The following HOMER2 variants were observed in gnomAD, a reference collection of about 807,000 sequenced individuals.
The protein encoded by HOMER2 is homer scaffold protein 2.
A neutral mutation model predicts 47.0 loss-of-function variants in HOMER2; 27 were observed. That is an observed-to-expected ratio of 0.57 (90% confidence interval 0.42 to 0.79). The LOEUF is 0.79. Among genes scored for constraint, HOMER2 ranks in the 30% least tolerant of loss-of-function variants. The pLI, the probability that HOMER2 is intolerant of heterozygous loss-of-function variation, is 0.00. For synonymous variants in HOMER2, 161 were observed against 163.8 expected (o/e 0.98, Z 0.13); for missense variants, 443 against 435.0 (o/e 1.02, Z -0.16).
chr15:82,840,582 TA>T (rs2051166854), exon 2 of HOMER2: 2 of 152,018 alleles, frequency 1.3e-5, no homozygotes, highest in African/African-American at 4.8e-5. Flanking sequence ...GCCTCCTGAG[TA>T]GCTGGGACTA....
chr15:82,855,493 C>T (rs148816377), intron 5 of HOMER2, among the ~76,000 whole-genome samples: 97 of 152,292 alleles, frequency 6.4e-4, no homozygotes, highest in African/African-American at 2.2e-3. Flanking sequence ...CTTCAAGAAT[C>T]GTATGAAAGC....
chr15:82,932,575 G>A (rs555311499), intron 1 of HOMER2, among the ~76,000 whole-genome samples: 17 of 151,740 alleles, frequency 1.1e-4, no homozygotes, highest in Non-Finnish European at 2.4e-4. Flanking sequence ...AATGCCATAC[G>A]GAACAGTATT....
intron 1 of HOMER2, among the ~76,000 whole-genome samples, chr15:82,975,139 A>G (rs1327462105): frequency 6.6e-6 from 1 of 152,216 alleles, no homozygotes; most frequent in African/African-American, 2.4e-5. Flanking sequence ...TCACCAGAGA[A>G]ATGCAGATCA....
At chr15:82,978,803 C>G (rs1411379836) in intron 1 of HOMER2, among the ~76,000 whole-genome samples, 1 of 152,216 alleles carries the variant, frequency 6.6e-6, no homozygotes, top group Non-Finnish European at 1.5e-5. Flanking sequence ...TCACTGCAAC[C>G]TCTGCCTCCT....
At chr15:82,900,442 T>C (rs1337488836) in intron 1 of HOMER2, among the ~76,000 whole-genome samples, 1 of 151,834 alleles carries the variant, frequency 6.6e-6, no homozygotes, top group East Asian at 1.9e-4. Flanking sequence ...TCTAACATAA[T>C]AAAATTATTA....
chr15:82,879,414 T>TG (rs1217465099), intron 2 of HOMER2, among the ~76,000 whole-genome samples: 4 of 152,154 alleles, frequency 2.6e-5, no homozygotes, highest in African/African-American at 9.7e-5. Context: ...GAGGATTACC[T>TG]GGGGCTCCGG....
intron 1 of HOMER2, among the ~76,000 whole-genome samples, chr15:82,949,389 A>G (rs1306236280): frequency 6.6e-6 from 1 of 152,132 alleles, no homozygotes; most frequent in African/African-American, 2.4e-5. Flanking sequence ...GAAAAGCAGG[A>G]AACAGTGGGG....
chr15:82,969,467 A>G (rs1166070821), intron 1 of HOMER2, among the ~76,000 whole-genome samples: 1 of 152,310 alleles, frequency 6.6e-6, no homozygotes, highest in Non-Finnish European at 1.5e-5. Flanking sequence ...ACTTCTGTTC[A>G]TAAGTCCCTA....
At chr15:82,932,233 G>C (rs920679966) in intron 1 of HOMER2, among the ~76,000 whole-genome samples, 3 of 152,196 alleles carry the variant, frequency 2.0e-5, no homozygotes, top group Admixed American at 6.5e-5. Context: ...GGTGGCTCAC[G>C]CCTGTAATCC....
upstream of HOMER2, among the ~76,000 whole-genome samples, chr15:82,956,501 G>A (rs1364503012): frequency 6.6e-6 from 1 of 152,198 alleles, no homozygotes; most frequent in Non-Finnish European, 1.5e-5. Context: ...ATGGGTTGGG[G>A]AATGCCGTGA....
At chr15:82,950,382 T>A (rs574079295) in intron 1 of HOMER2, among the ~76,000 whole-genome samples, 2 of 152,234 alleles carry the variant, frequency 1.3e-5, no homozygotes, top group East Asian at 3.9e-4. Context: ...TTTTTTTCCC[T>A]TAAATCCTAG....
chr15:82,975,933 G>A (rs915924436), intron 1 of HOMER2, among the ~76,000 whole-genome samples: 8 of 151,954 alleles, frequency 5.3e-5, no homozygotes, highest in Middle Eastern at 3.2e-3. Context: ...TTCTTATTTC[G>A]CATTGTGTGC....
intron 1 of HOMER2, among the ~76,000 whole-genome samples, chr15:82,945,473 G>C (rs2054355579): frequency 6.6e-6 from 1 of 152,028 alleles, no homozygotes; most frequent in South Asian, 2.1e-4. Context: ...CATACATCTA[G>C]ACACACACAG....
At chr15:82,922,311 A>G (rs1437713753) in intron 1 of HOMER2, among the ~76,000 whole-genome samples, 2 of 152,244 alleles carry the variant, frequency 1.3e-5, no homozygotes, top group Non-Finnish European at 2.9e-5. Flanking sequence ...GGCCTTCCCT[A>G]TAATGCCAGA....
At chr15:82,838,842 A>G (rs2051150589) in exon 2 of HOMER2, 1 of 152,158 alleles carries the variant, frequency 6.6e-6, no homozygotes, top group South Asian at 2.1e-4. Context: ...AGAAGGTCCT[A>G]TTTCTTTTAC....
At chr15:82,981,193 C>A (rs1222395072) in intron 1 of HOMER2, among the ~76,000 whole-genome samples, 2 of 152,220 alleles carry the variant, frequency 1.3e-5, no homozygotes, top group African/African-American at 4.8e-5. Context: ...TCCCATTTGA[C>A]AGGCTCATTT....
At chr15:82,896,919 A>C (rs907223497) in intron 1 of HOMER2, among the ~76,000 whole-genome samples, 6 of 152,180 alleles carry the variant, frequency 3.9e-5, no homozygotes, top group African/African-American at 1.4e-4. Flanking sequence ...AGTACTTACC[A>C]TTCTGCTAGG....
At chr15:82,874,583 G>A (rs2052283491) in intron 3 of HOMER2, among the ~76,000 whole-genome samples, 2 of 152,040 alleles carry the variant, frequency 1.3e-5, no homozygotes, top group African/African-American at 4.8e-5. Flanking sequence ...TTTGTCCCAG[G>A]GCCCTTGGAG....
chr15:82,935,347 G>A (rs1395348679), intron 1 of HOMER2, among the ~76,000 whole-genome samples: 4 of 151,894 alleles, frequency 2.6e-5, no homozygotes, highest in Non-Finnish European at 2.9e-5. Context: ...TGGCCACCCT[G>A]AGGCCACCAC....
Sources: gnomAD v4.1 joint callset for allele counts (sites outside exome capture counted in the v4.1 genomes callset) on GRCh38, gnomAD v4.1.1 for gene constraint, MANE v1.5 for transcripts, NCBI Gene and HGNC (gene_info 2026-07-23, HGNC 2026-07-21) for gene names.